L3MBTL4: variants seen among roughly 807,000 people sequenced by gnomAD.
L3MBTL4 encodes the protein L3MBTL histone methyl-lysine binding protein 4.
A neutral mutation model predicts 84.5 loss-of-function variants in L3MBTL4; 70 were observed. The observed-to-expected ratio is 0.83, with a 90% CI of 0.68 to 1.01. The LOEUF (loss-of-function observed/expected upper bound fraction) is 1.01. Among genes scored for constraint, L3MBTL4 ranks in the 50% least tolerant of loss-of-function variants. The pLI is 0.00. For missense variants in L3MBTL4, 715 were observed against 754.8 expected (o/e 0.95, Z 0.62); for synonymous variants, 274 against 259.8 (o/e 1.05, Z -0.52).
Position 6,308,549 on chromosome 18 carries a change from G to A in L3MBTL4, c.72+3005C>T, listed in dbSNP as rs561403541. 2.2e-4 allele frequency among the ~76,000 whole-genome samples: 33 copies of A among 152,304 alleles called. No homozygotes were observed. The South Asian group carries it at 6.8e-3, about 32-fold the overall frequency. On this transcript the variant is annotated intron_variant, in intron 3 of 18. Transcript: ENST00000317931. ...AATTAAAATAATGTAAATGTTCACA[G>A]TAGGGCACTGTTAAAATAAATTATG...
chr18:6,173,437 A>G (rs1363107794), intron 12 of L3MBTL4, among the ~76,000 whole-genome samples: 1 of 152,178 alleles, frequency 6.6e-6, no homozygotes, highest in Non-Finnish European at 1.5e-5. Flanking sequence ...TGCATGATGC[A>G]GCTGGAAGTT....
chr18:6,008,205 C>G (rs375983642), intron 16 of L3MBTL4, among the ~76,000 whole-genome samples: 1 of 152,104 alleles, frequency 6.6e-6, no homozygotes, highest in Non-Finnish European at 1.5e-5. Flanking sequence ...GAGACCTCCT[C>G]CCCAGCACAC....
At chr18:6,097,526 T>G (rs571755587) in intron 14 of L3MBTL4, among the ~76,000 whole-genome samples, 6 of 152,238 alleles carry the variant, frequency 3.9e-5, no homozygotes, top group African/African-American at 1.4e-4. Flanking sequence ...CTCTCCTTCT[T>G]TCCACGGCAG....
chr18:6,144,196 CAAAAAAAAAAAAA>C (rs35746580), intron 13 of L3MBTL4, among the ~76,000 whole-genome samples: 2 of 58,060 alleles, frequency 3.4e-5, no homozygotes, highest in African/African-American at 6.1e-5. Flanking sequence ...ACTCCATCTC[CAAAAAAAAAAAAA>C]AAAAAAAAAA....
intron 18 of L3MBTL4, among the ~76,000 whole-genome samples, chr18:5,958,128 AAAAAGAAGAAG>A (rs2095242326): frequency 2.2e-5 from 1 of 44,478 alleles, no homozygotes; most frequent in Non-Finnish European, 4.6e-5. Context: ...GAAGAAGAAG[AAAAAGAAGAAG>A]AAGAAGAAGA....
intron 4 of L3MBTL4, among the ~76,000 whole-genome samples, chr18:6,270,736 G>T (rs1568415141): frequency 6.6e-6 from 1 of 152,186 alleles, no homozygotes; most frequent in Admixed American, 6.5e-5. Flanking sequence ...AGTTTGCAGG[G>T]ATCCACTCAG....
chr18:6,249,056 G>A (rs747357493), intron 5 of L3MBTL4, among the ~76,000 whole-genome samples: 3 of 152,156 alleles, frequency 2.0e-5, no homozygotes, highest in Non-Finnish European at 4.4e-5. Context: ...TCATGTGTGT[G>A]TTTAACTCTC....
chr18:6,165,544 G>A (rs1057108827), intron 13 of L3MBTL4, among the ~76,000 whole-genome samples: 2 of 151,328 alleles, frequency 1.3e-5, no homozygotes, highest in South Asian at 4.1e-4. Context: ...CTTAAAAAAA[G>A]AATTTTCAAC....
intron 1 of L3MBTL4, among the ~76,000 whole-genome samples, chr18:6,315,458 C>G (rs1283308946): frequency 6.6e-6 from 1 of 152,204 alleles, no homozygotes; most frequent in Non-Finnish European, 1.5e-5. Context: ...TATCAGTCCT[C>G]TACGTATACA....
At chr18:6,244,195 T>C (rs1568371170) in intron 6 of L3MBTL4, among the ~76,000 whole-genome samples, 1 of 152,188 alleles carries the variant, frequency 6.6e-6, no homozygotes, top group Non-Finnish European at 1.5e-5. Context: ...TCTCTGTTAA[T>C]AGGTTAAAAT....
chr18:6,225,469 A>T (rs753861837), intron 10 of L3MBTL4, among the ~76,000 whole-genome samples: 1 of 152,172 alleles, frequency 6.6e-6, no homozygotes, highest in Non-Finnish European at 1.5e-5. Context: ...TAAAAAATAC[A>T]TTAAGGGTGG....
At chr18:6,096,070 A>T (rs1349232314) in intron 14 of L3MBTL4, among the ~76,000 whole-genome samples, 6 of 148,162 alleles carry the variant, frequency 4.0e-5, no homozygotes, top group Non-Finnish European at 7.5e-5. Context: ...ATAACCATGA[A>T]TTTTTTTTTT....
At chr18:6,124,294 T>C (rs2059617606) in intron 14 of L3MBTL4, among the ~76,000 whole-genome samples, 1 of 151,510 alleles carries the variant, frequency 6.6e-6, no homozygotes, top group Non-Finnish European at 1.5e-5. Flanking sequence ...CTTGAAAAAA[T>C]ACTCAGAGGA....
chr18:6,302,320 C>T (rs1042469511), intron 3 of L3MBTL4, among the ~76,000 whole-genome samples: 2 of 152,208 alleles, frequency 1.3e-5, no homozygotes, highest in African/African-American at 4.8e-5. Context: ...AGCCCTCCAT[C>T]CTACTTTTGC....
At chr18:6,070,575 G>A (rs1191130168) in intron 16 of L3MBTL4, among the ~76,000 whole-genome samples, 4 of 150,270 alleles carry the variant, frequency 2.7e-5, no homozygotes. Flanking sequence ...CCCACACTTT[G>A]GGAGGTCAAA....
chr18:6,276,863 G>T (rs1046987726), intron 4 of L3MBTL4, among the ~76,000 whole-genome samples: 1 of 151,838 alleles, frequency 6.6e-6, no homozygotes, highest in African/African-American at 2.4e-5. Flanking sequence ...AAATAAGGAA[G>T]ACAAGAAAAG....
chr18:6,074,378 G>A (rs1461587630), intron 16 of L3MBTL4, among the ~76,000 whole-genome samples: 1 of 152,114 alleles, frequency 6.6e-6, no homozygotes, highest in African/African-American at 2.4e-5. Context: ...ATGTTATGTG[G>A]GTTTATCACT....
intron 1 of L3MBTL4, among the ~76,000 whole-genome samples, chr18:6,326,973 T>G (rs2051755994): frequency 6.6e-6 from 1 of 152,030 alleles, no homozygotes; most frequent in African/African-American, 2.4e-5. Flanking sequence ...GGAAAATAAC[T>G]GTAAAAGAAT....
chr18:6,413,281 C>A (rs536565430), intron 1 of L3MBTL4, among the ~76,000 whole-genome samples: 57 of 152,260 alleles, frequency 3.7e-4, no homozygotes, highest in African/African-American at 1.3e-3. Flanking sequence ...AGTGATTCTG[C>A]AGTCAAGGGT....
Sources: gnomAD v4.1 joint callset for allele counts (sites outside exome capture counted in the v4.1 genomes callset) on GRCh38, gnomAD v4.1.1 for gene constraint, MANE v1.5 for transcripts, NCBI Gene and HGNC (gene_info 2026-07-23, HGNC 2026-07-21) for gene names.